The following GRID1 variants were observed in gnomAD, a reference collection of about 807,000 sequenced individuals.
GRID1 encodes glutamate ionotropic receptor delta type subunit 1.
GRID1 carries 28 observed loss-of-function variants against 98.0 expected under a neutral mutation model. The ratio of observed to expected loss-of-function variants is 0.29; its 90% CI spans 0.21 to 0.39. The LOEUF is 0.39. Ranked by LOEUF, GRID1 falls within the 10% of genes least tolerant of loss-of-function variation. The probability of loss-of-function intolerance (pLI) is 1.00; values close to 1 mark genes in which losing one functional copy is unlikely to be tolerated. For missense variants in GRID1, 1,111 were observed against 1,340.5 expected (o/e 0.83, Z 2.67); for synonymous variants, 553 against 538.5 (o/e 1.03, Z -0.37).
At chr10:85,788,083 A>C (rs1384108612) in intron 8 of GRID1, among the ~76,000 whole-genome samples, 1 of 151,970 alleles carries the variant, frequency 6.6e-6, no homozygotes, top group African/African-American at 2.4e-5. Context: ...AAAGAAAAAG[A>C]AGTTATTTTG....
intron 5 of GRID1, among the ~76,000 whole-genome samples, chr10:85,881,514 G>T (rs1398567078): frequency 6.6e-6 from 1 of 152,168 alleles, no homozygotes; most frequent in Non-Finnish European, 1.5e-5. Flanking sequence ...ACAAAAACAA[G>T]CAATGGGGAA....
chr10:86,206,223 C>T lies in GRID1; in HGVS notation c.520+141G>A, dbSNP rs1410624008. The T allele has an allele frequency of 1.2e-5, 8 of 671,584 alleles. No homozygotes were observed. The highest frequency in any genetic ancestry group is 9.0e-5 in the African/African-American group (5 of 55,280). The allele number at this position is 671,584 out of a possible 1,614,324, so 41.6% of individuals were successfully genotyped here. On this transcript the variant is annotated intron_variant, in intron 3 of 15. Transcript: ENST00000327946. The surrounding 1 kb of genome is among the most constrained non-coding windows in gnomAD (Gnocchi z 4.1). ...GCAGCTCTTCCTGACTCATGAAGCT[C>T]GAGGTTTGACCCTATCACCTGGAGG...
intron 3 of GRID1, among the ~76,000 whole-genome samples, chr10:86,181,351 T>TTGTTCTCA (rs80010475): frequency 0.09 from 13,664 of 152,164 alleles, 961 homozygotes; most frequent in African/African-American, 0.19. Flanking sequence ...AATGGAGTGC[T>TTGTTCTCA]TGTTCTCAGA....
intron 8 of GRID1, among the ~76,000 whole-genome samples, chr10:85,806,238 A>G (rs1257538601): frequency 6.6e-6 from 1 of 152,180 alleles, no homozygotes; most frequent in Non-Finnish European, 1.5e-5. Flanking sequence ...ATTAGTCTTT[A>G]TAGAAGAATT....
chr10:85,669,905 T>C (rs1411098776), intron 12 of GRID1, among the ~76,000 whole-genome samples: 1 of 152,238 alleles, frequency 6.6e-6, no homozygotes, highest in Admixed American at 6.5e-5. Context: ...GGCTTGATTC[T>C]GCTTTTCATG....
chr10:85,961,187 T>C (rs1187761257), intron 4 of GRID1, among the ~76,000 whole-genome samples: 2 of 152,126 alleles, frequency 1.3e-5, no homozygotes, highest in East Asian at 1.9e-4. Context: ...ATAATGTACA[T>C]GAAAGTGCTT....
In GRID1 at chr10:86,138,867, G is replaced by A. The variant is rs370798698; in HGVS notation, c.678C>T (p.Arg226=). The A allele has an allele frequency of 7.4e-5, 120 of 1,614,218 alleles. No homozygotes were observed. The highest frequency in any genetic ancestry group is 7.1e-4 in the East Asian group (32 of 44,884). ...CCTGTGGGCTGAGCAGCAGGATGGC[G>A]CGGCGAAGCGTGTCCCGGTAGCGAT... ...ELNRYRDTLR[R]AILLLSPQGA... The change falls in exon 4 of 16, where the codon CGC becomes CGT. Residue 226 remains arginine (R), a synonymous_variant. Transcript: ENST00000327946.
At chr10:86,354,182 G>T (rs779509658) in intron 2 of GRID1, among the ~76,000 whole-genome samples, 1 of 152,180 alleles carries the variant, frequency 6.6e-6, no homozygotes, top group African/African-American at 2.4e-5. Context: ...TTCCAGGCCA[G>T]GCCAGGACCC....
chr10:86,260,857 G>A (rs940334232), intron 2 of GRID1, among the ~76,000 whole-genome samples: 20 of 152,182 alleles, frequency 1.3e-4, no homozygotes, highest in Admixed American at 1.0e-3. Context: ...TAAGACAGCC[G>A]GTTCCTTCAC....
At chr10:86,223,174 G>A (rs1375096785) in intron 2 of GRID1, among the ~76,000 whole-genome samples, 1 of 152,174 alleles carries the variant, frequency 6.6e-6, no homozygotes, top group Non-Finnish European at 1.5e-5. Context: ...TTTTTCTGCA[G>A]GGAAAGTGGC....
chr10:85,619,765 C>A, intron 14 of GRID1, 102 bp downstream of exon 14: 1 of 872,178 alleles, frequency 1.1e-6, no homozygotes, highest in Non-Finnish European at 1.8e-6. Context: ...ATATGACGAA[C>A]AAAGATGTTT....
At chr10:85,914,078 G>A (rs1841577071) in intron 5 of GRID1, among the ~76,000 whole-genome samples, 1 of 152,164 alleles carries the variant, frequency 6.6e-6, no homozygotes, top group Admixed American at 6.5e-5. Flanking sequence ...ACTAAACCCT[G>A]GGTTCCAGCT....
intron 4 of GRID1, among the ~76,000 whole-genome samples, chr10:85,986,584 T>C (rs541824367): frequency 7.6e-4 from 115 of 152,230 alleles, no homozygotes; most frequent in Non-Finnish European, 1.4e-3. Flanking sequence ...GCCAGCCACA[T>C]TGGAGAAGGG....
At chr10:86,327,713 CAAT>C (rs1848072662) in intron 2 of GRID1, among the ~76,000 whole-genome samples, 1 of 152,172 alleles carries the variant, frequency 6.6e-6, no homozygotes, top group African/African-American at 2.4e-5. Flanking sequence ...AAGAAAATAA[CAAT>C]GAGGTACCGC....
intron 8 of GRID1, among the ~76,000 whole-genome samples, chr10:85,761,822 AAC>A (rs1228988359): frequency 6.6e-6 from 1 of 151,902 alleles, no homozygotes; most frequent in East Asian, 1.9e-4. Context: ...CACCCCCCAA[AAC>A]ACACACACAC....
intron 2 of GRID1, among the ~76,000 whole-genome samples, chr10:86,276,844 G>A (rs1847278261): frequency 6.6e-6 from 1 of 151,734 alleles, no homozygotes; most frequent in African/African-American, 2.4e-5. Flanking sequence ...GAAAGCAGTG[G>A]GACGACATAT....
chr10:85,832,435 G>T (rs951473262), intron 8 of GRID1, among the ~76,000 whole-genome samples: 4 of 152,028 alleles, frequency 2.6e-5, no homozygotes, highest in African/African-American at 9.7e-5. Flanking sequence ...CAAAATGTTA[G>T]AAAATCAAAT....
At chr10:86,288,557 C>T (rs1009129847) in intron 2 of GRID1, among the ~76,000 whole-genome samples, 1 of 152,154 alleles carries the variant, frequency 6.6e-6, no homozygotes, top group African/African-American at 2.4e-5. Context: ...TCTGTGAGAA[C>T]CCAGGAGTCC....
At chr10:86,306,634 G>A (rs1180088073) in intron 2 of GRID1, among the ~76,000 whole-genome samples, 1 of 152,186 alleles carries the variant, frequency 6.6e-6, no homozygotes, top group Non-Finnish European at 1.5e-5. Context: ...GAGGCCAGCA[G>A]TCGGAGCAGT....
Sources: gnomAD v4.1 joint callset for allele counts (sites outside exome capture counted in the v4.1 genomes callset) on GRCh38, gnomAD v4.1.1 for gene constraint, Gnocchi (gnomAD v3.1) non-coding constraint, MANE v1.5 for transcripts, NCBI Gene and HGNC (gene_info 2026-07-23, HGNC 2026-07-21) for gene names.